The following CACNG7 variants were observed in gnomAD, a reference collection of about 807,000 sequenced individuals.
The protein encoded by CACNG7 is voltage-dependent calcium channel gamma-7 subunit.
Under a neutral mutation model 26.3 loss-of-function variants are expected in CACNG7, and 9 were observed. The observed-to-expected ratio is 0.34, with a 90% CI of 0.21 to 0.60. The LOEUF is 0.60. CACNG7 is among the 20% of genes least tolerant of loss of function. The probability of loss-of-function intolerance (pLI) is 0.81; values close to 1 mark genes in which losing one functional copy is unlikely to be tolerated. For missense variants in CACNG7, 297 were observed against 380.4 expected (o/e 0.78, Z 1.82); for synonymous variants, 170 against 157.0 (o/e 1.08, Z -0.62).
In CACNG7 at chr19:53,912,751, A is replaced by AAG. The variant is rs1196938362; in HGVS notation, c.-29-51_-29-50dup. On this transcript the variant is annotated intron_variant, in intron 1 of 5. Coordinates refer to ENST00000391767, the MANE Select transcript of CACNG7 (RefSeq NM_031896.5). The surrounding 1 kb of genome is among the most constrained non-coding windows in gnomAD (Gnocchi z 4.6). Reference sequence around the variant, plus strand: ...GCATCCCGGGTTGCTGCATGGGGTCAAGCACTCTGGTCGGTCCCATGGAGC... The same window carrying AAG: ...GCATCCCGGGTTGCTGCATGGGGTCAAGAGCACTCTGGTCGGTCCCATGGAGC... The AAG allele has an allele frequency of 4.6e-5, 66 of 1,448,258 alleles. No individual in the cohort carries two copies. The highest frequency in any genetic ancestry group is 1.8e-5 in the Admixed American group (1 of 55,624). 89.7% of individuals were successfully genotyped at this position (1,448,258 alleles called of 1,614,324 possible).
chr19:53,922,207 GT>G (rs1456277950), intron 4 of CACNG7, among the ~76,000 whole-genome samples: 95 of 108,126 alleles, frequency 8.8e-4, no homozygotes, highest in South Asian at 1.2e-3. Context: ...GTTGCCCCAG[GT>G]CTGGTATTGG....
intron 4 of CACNG7, among the ~76,000 whole-genome samples, chr19:53,933,182 A>ACTGCAACCTCCACCTCCTGGGTT (rs577563526): frequency 1.3e-5 from 2 of 151,448 alleles, no homozygotes; most frequent in African/African-American, 4.9e-5. Flanking sequence ...ATCTCGGCTC[A>ACTGCAACCTCCACCTCCTGGGTT]CTGCAACCTC....
At chr19:53,941,942 T>G in intron 5 of CACNG7, 94 bp from the exon 6 acceptor site, 2 of 1,409,370 alleles carry the variant, frequency 1.4e-6, no homozygotes, top group Non-Finnish European at 1.9e-6. Context: ...GGGCTTGGGG[T>G]GGGGACTCTG....
At chr19:53,941,903 G>A in intron 5 of CACNG7, 133 bp from the exon 6 acceptor site, 2 of 1,235,088 alleles carry the variant, frequency 1.6e-6, no homozygotes, top group Non-Finnish European at 1.1e-6. Flanking sequence ...GAGGGCTGGA[G>A]CCCTGATCCT....
chr19:53,919,219 G>C (rs927381934), intron 4 of CACNG7, among the ~76,000 whole-genome samples: 3 of 152,188 alleles, frequency 2.0e-5, no homozygotes, highest in African/African-American at 7.2e-5. Flanking sequence ...GACAGAAATA[G>C]TACCAATGCC....
chr19:53,921,018 C>CCCCAGGCTGGTCATTGGTGGAGTTG (rs2068943961), intron 4 of CACNG7, among the ~76,000 whole-genome samples: 1 of 72,188 alleles, frequency 1.4e-5, no homozygotes, highest in Non-Finnish European at 2.4e-5. Flanking sequence ...GGTGGAGTTG[C>CCCCAGGCTGGTCATTGGTGGAGTTG]CCCAGGCTGG....
At chr19:53,922,985 CCCAGGA>C (rs1218937817) in intron 4 of CACNG7, among the ~76,000 whole-genome samples, 2 of 99,638 alleles carry the variant, frequency 2.0e-5, no homozygotes, top group Non-Finnish European at 3.7e-5. Flanking sequence ...GTGGAGTTGT[CCCAGGA>C]CTGGTCATTG....
At chr19:53,936,401 A>G (rs560005272) in intron 4 of CACNG7, among the ~76,000 whole-genome samples, 4 of 152,116 alleles carry the variant, frequency 2.6e-5, no homozygotes, top group Non-Finnish European at 5.9e-5. Context: ...CTGTGGGGAG[A>G]TTCTGTCATC....
At position 53,918,469 on chromosome 19, in the gene CACNG7, AT is replaced by A. The variant is rs956228122; in HGVS notation, c.424+2973del. Among the ~76,000 whole-genome samples, 383 of 151,508 alleles carry A rather than the reference AT, an allele frequency of 2.5e-3. 1 individual carries two copies. Among genetic ancestry groups the A allele is most frequent in the African/African-American group, 8.4e-3 (349 of 41,310 alleles). On this transcript the variant is annotated intron_variant, in intron 4 of 5. Coordinates refer to ENST00000391767, the MANE Select transcript of CACNG7 (RefSeq NM_031896.5). ...TGCATGAAATATTCTTCTTCTTTTG[AT>A]TTTTTTTTAAATCAAAAGAAGAATA...
rs1028401805 is a variant in CACNG7 at position 53,927,781 on chromosome 19, T to A, written c.424+12276T>A. The stretch of plus-strand genomic sequence containing the variant: ...TGAACCCGGGAGGCGGAGGTTGCAG[T>A]GAGCCGAGATCGCACCATTGCACTC... On this transcript the variant is annotated intron_variant, in intron 4 of 5. Transcript: ENST00000391767. 1.4e-4 allele frequency among the ~76,000 whole-genome samples: 21 copies of A among 146,666 alleles called. No individual in the cohort carries two copies. The East Asian group carries it at 2.2e-3, about 15-fold the overall frequency.
chr19:53,938,206 C>T (rs929333951), intron 4 of CACNG7, among the ~76,000 whole-genome samples: 2 of 151,802 alleles, frequency 1.3e-5, no homozygotes, highest in East Asian at 1.9e-4. Flanking sequence ...AAGTTAGCCC[C>T]GCATGGTGGT....
chr19:53,920,670 T>A (rs1256260772), intron 4 of CACNG7, among the ~76,000 whole-genome samples: 1 of 112,098 alleles, frequency 8.9e-6, no homozygotes, highest in Non-Finnish European at 1.7e-5. Context: ...TTGGTGGAGT[T>A]GCCCCAGGTC....
In CACNG7 at chr19:53,940,660, T is replaced by G. The variant is rs539043133; in HGVS notation, c.425-810T>G. Among the ~76,000 whole-genome samples the G allele has an allele frequency of 4.6e-5, 7 of 152,282 alleles. No homozygotes were observed. The highest frequency in any genetic ancestry group is 1.7e-4 in the African/African-American group (7 of 41,562). On this transcript the variant is annotated intron_variant, in intron 4 of 5. Transcript: ENST00000391767. The surrounding 1 kb of genome is among the most constrained non-coding windows in gnomAD (Gnocchi z 4.1). ...AACCTCATTTCTTGTGGCTACAGCTTATGTTACAGCTACATGGGTGGACCA... is the reference window on the plus strand; with the variant it reads ...AACCTCATTTCTTGTGGCTACAGCTGATGTTACAGCTACATGGGTGGACCA...
chr19:53,919,274 G>T (rs536282957), intron 4 of CACNG7, among the ~76,000 whole-genome samples: 1 of 152,334 alleles, frequency 6.6e-6, no homozygotes, highest in East Asian at 1.9e-4. Context: ...CCTCCTGTTC[G>T]CAATGAGGAA....
chr19:53,911,533 T>C (rs1314124945), intron 1 of CACNG7, among the ~76,000 whole-genome samples: 2 of 152,104 alleles, frequency 1.3e-5, no homozygotes, highest in Non-Finnish European at 2.9e-5. Context: ...AGCTAGGTTC[T>C]GGAGTGAGGA....
rs112432651 is a variant in CACNG7, at chr19:53,910,085, T to C, written c.-30+568T>C. Among the ~76,000 whole-genome samples, 569 of 151,362 alleles carry C rather than the reference T, an allele frequency of 3.8e-3. 4 individuals carry two copies. Among genetic ancestry groups the C allele is most frequent in the African/African-American group, 0.013 (547 of 41,196 alleles). ...GCGGGCCAGTGAGAGGGAGGAGGAATTGGAGCAAGGTTGGGTTTTAAAACG... is the reference window on the plus strand; with the variant it reads ...GCGGGCCAGTGAGAGGGAGGAGGAACTGGAGCAAGGTTGGGTTTTAAAACG... On this transcript the variant is annotated intron_variant, in intron 1 of 5. Transcript: ENST00000391767.
At chr19:53,920,079 A>G (rs1599972830) in intron 4 of CACNG7, among the ~76,000 whole-genome samples, 1 of 101,900 alleles carries the variant, frequency 9.8e-6, no homozygotes. Flanking sequence ...TCATTGGTGG[A>G]GTTGCCCCAG....
Position 53,942,318 on chromosome 19 carries a change from GCCTCCT to G in CACNG7, c.*36_*41del. ...AGGCCCGCCCCTCGGAGCTCCCCCT[GCCTCCT>G]CCTCCTCCTCGTCTTAGGGGGGTCT... On this transcript the variant is annotated 3_prime_UTR_variant, in exon 6 of 6. Transcript: ENST00000391767. This position sits in a 1 kb window ranked among gnomAD's most constrained non-coding sequence, Gnocchi z 5.9. The G allele has an allele frequency of 6.7e-7, 1 of 1,499,706 alleles. No homozygotes were observed. Among genetic ancestry groups the G allele is most frequent in the Non-Finnish European group, 9.0e-7 (1 of 1,110,224 alleles). The allele number at this position is 1,499,706 out of a possible 1,614,324, so 92.9% of individuals were successfully genotyped here. A position where few individuals can be genotyped will look rare whatever the true frequency, so the allele number is the denominator to read the frequency against.
In CACNG7 at chr19:53,912,553, G is replaced by T. The variant is rs1363609661; in HGVS notation, c.-29-250G>T. ...ATTAGAAATCTAATTCTGGGGTTGG[G>T]GATCTGGATCTGGAGCTAGACCACA... On this transcript the variant is annotated intron_variant, in intron 1 of 5. Coordinates refer to ENST00000391767, the MANE Select transcript of CACNG7 (RefSeq NM_031896.5). This position sits in a 1 kb window ranked among gnomAD's most constrained non-coding sequence, Gnocchi z 4.6. Among the ~76,000 whole-genome samples, 2 of 152,190 alleles carry T rather than the reference G, an allele frequency of 1.3e-5. No individual in the cohort carries two copies. The highest frequency in any genetic ancestry group is 2.9e-5 in the Non-Finnish European group (2 of 68,036).
Sources: allele counts gnomAD v4.1 joint callset (sites outside exome capture counted in the v4.1 genomes callset), GRCh38; gene constraint gnomAD v4.1.1; non-coding constraint Gnocchi (gnomAD v3.1); transcripts MANE v1.5; gene names NCBI Gene and HGNC (gene_info 2026-07-23, HGNC 2026-07-21).